CACNB2: variants seen among roughly 807,000 people sequenced by gnomAD.
CACNB2 encodes the protein voltage-dependent L-type calcium channel subunit beta-2.
In CACNB2, 42 loss-of-function variants were observed where a neutral mutation model predicts 73.3. The observed-to-expected ratio is 0.57, with a 90% CI of 0.45 to 0.74. CACNB2 has a LOEUF of 0.74. CACNB2 is among the 30% of genes least tolerant of loss of function. The pLI, the probability that CACNB2 is intolerant of heterozygous loss-of-function variation, is 0.00. For synonymous variants in CACNB2, 348 were observed against 310.3 expected, an observed-to-expected ratio of 1.12 and a Z score of -1.28; for missense variants, 940 against 853.0, an observed-to-expected ratio of 1.10 and a Z score of -1.27.
chr10:18,428,999 TTAC>T (rs1414774427), intron 3 of CACNB2, among the ~76,000 whole-genome samples: 1 of 152,232 alleles, frequency 6.6e-6, no homozygotes, highest in East Asian at 1.9e-4. Context: ...ATTCACTTAA[TTAC>T]TACTGCCTTT....
intron 2 of CACNB2, among the ~76,000 whole-genome samples, chr10:18,317,866 G>C (rs1434446710): frequency 6.6e-6 from 1 of 152,150 alleles, no homozygotes; most frequent in Non-Finnish European, 1.5e-5. Context: ...TAAAGAACAT[G>C]AGGTCTTTAT....
rs775823667 is a variant in CACNB2 at position 18,518,428 on chromosome 10, C to T, written c.885+12C>T. 3 of 1,561,330 alleles carry T rather than the reference C, an allele frequency of 1.9e-6. No homozygotes were observed. The highest frequency in any genetic ancestry group is 2.6e-6 in the Non-Finnish European group (3 of 1,132,206). Reference sequence around the variant, plus strand: ...TGAAGGGCTACGAGGTGGGTAGCAGCCTTCCACAGGAAGCTTAACTTGCAT... The same window carrying T: ...TGAAGGGCTACGAGGTGGGTAGCAGTCTTCCACAGGAAGCTTAACTTGCAT... On this transcript the variant is annotated intron_variant, in intron 8 of 13. Transcript: ENST00000324631.
intron 2 of CACNB2, chr10:18,400,556 C>T (rs888341693): frequency 9.8e-7 from 1 of 1,022,014 alleles, no homozygotes; most frequent in Non-Finnish European, 1.2e-6. Context: ...CTCCTCCCTC[C>T]GCCTCCCCCC....
At chr10:18,194,336 A>T (rs1251884372) in intron 2 of CACNB2, among the ~76,000 whole-genome samples, 1 of 152,200 alleles carries the variant, frequency 6.6e-6, no homozygotes. Flanking sequence ...GAAGGAAGCC[A>T]GGTGGGAGTG....
At chr10:18,539,198 G>T in intron 13 of CACNB2, 32 bp from the exon 14 acceptor site, 1 of 1,613,744 alleles carries the variant, frequency 6.2e-7, no homozygotes, top group Non-Finnish European at 8.5e-7. Flanking sequence ...ACTGACCTTG[G>T]TTAACGCCTG....
At position 18,539,908 on chromosome 10, in the gene CACNB2, G is replaced by A; in HGVS notation, c.*184G>A. 2 of 690,408 alleles carry A rather than the reference G, an allele frequency of 2.9e-6. No homozygotes were observed. Among genetic ancestry groups the A allele is most frequent in the Non-Finnish European group, 2.3e-6 (1 of 430,498 alleles). 42.8% of individuals were successfully genotyped at this position (690,408 alleles called of 1,614,324 possible). A position where few individuals can be genotyped will look rare whatever the true frequency, so the allele number is the denominator to read the frequency against. On this transcript the variant is annotated 3_prime_UTR_variant, in exon 14 of 14. Coordinates refer to ENST00000324631, the MANE Select transcript of CACNB2 (RefSeq NM_201596.3). ...AGAGTATTGAGATACTTTTTCTTTT[G>A]TAAGTGCTACATAAATTGGCCTGGT...
rs543516171 is a variant in CACNB2 at position 18,269,135 on chromosome 10, T to C, written c.213+118160T>C. Among the ~76,000 whole-genome samples, 18 of 152,320 alleles carry C rather than the reference T, an allele frequency of 1.2e-4. No individual in the cohort carries two copies. In the South Asian group the frequency reaches 3.7e-3, roughly 32 times the overall value. On this transcript the variant is annotated intron_variant, in intron 2 of 13. Coordinates refer to ENST00000324631, the MANE Select transcript of CACNB2 (RefSeq NM_201596.3). ...TGATTTGCACTGTGGTACACCTTCG[T>C]TGCTGGCAGATTTCCTAAATAAATA...
At chr10:18,225,040 C>G (rs7895387) in intron 2 of CACNB2, among the ~76,000 whole-genome samples, 4 of 152,134 alleles carry the variant, frequency 2.6e-5, no homozygotes, top group Non-Finnish European at 4.4e-5. Flanking sequence ...TCTGTTTGCT[C>G]AAGGCCAAGG....
intron 6 of CACNB2, chr10:18,512,971 G>T: frequency 4.4e-6 from 1 of 227,556 alleles, no homozygotes; most frequent in Non-Finnish European, 8.9e-6. Flanking sequence ...GACGCCGGCT[G>T]CAGGTGTTGC....
chr10:18,141,149 G>C, intron 1 of CACNB2: 3 of 1,345,294 alleles, frequency 2.2e-6, no homozygotes, highest in Non-Finnish European at 2.9e-6. Flanking sequence ...GGCCCTCCTC[G>C]CCCCTTCCCG....
chr10:18,380,729 A>G (rs2042982367), intron 2 of CACNB2, among the ~76,000 whole-genome samples: 1 of 152,118 alleles, frequency 6.6e-6, no homozygotes, highest in African/African-American at 2.4e-5. Context: ...TGATGGGGTT[A>G]TAAGAATGAG....
chr10:18,263,182 A>C (rs2037634471), intron 2 of CACNB2, among the ~76,000 whole-genome samples: 1 of 152,180 alleles, frequency 6.6e-6, no homozygotes, highest in Admixed American at 6.5e-5. Flanking sequence ...CAGATGGCCA[A>C]CCCAGAGTGG....
At chr10:18,319,625 A>G (rs1387068130) in intron 2 of CACNB2, among the ~76,000 whole-genome samples, 1 of 152,140 alleles carries the variant, frequency 6.6e-6, no homozygotes, top group African/African-American at 2.4e-5. Context: ...AAAATAATAT[A>G]AATAATTAAA....
chr10:18,417,513 C>A (rs535665720), intron 3 of CACNB2, among the ~76,000 whole-genome samples: 17 of 151,938 alleles, frequency 1.1e-4, no homozygotes, highest in Admixed American at 2.0e-4. Flanking sequence ...GGATTACGGG[C>A]ACACACCACC....
intron 2 of CACNB2, among the ~76,000 whole-genome samples, chr10:18,287,722 G>A (rs756587572): frequency 3.3e-5 from 5 of 152,078 alleles, no homozygotes; most frequent in East Asian, 1.9e-4. Flanking sequence ...ACGATGGCAC[G>A]CCCTGTAGTC....
intron 2 of CACNB2, among the ~76,000 whole-genome samples, chr10:18,202,991 C>G (rs1048260948): frequency 1.3e-5 from 2 of 152,182 alleles, no homozygotes; most frequent in Non-Finnish European, 2.9e-5. Flanking sequence ...ATTAAGCGAG[C>G]CATCACTGAA....
At chr10:18,534,010 A>G in intron 10 of CACNB2, 66 bp from the exon 11 acceptor site, 1 of 1,502,692 alleles carries the variant, frequency 6.7e-7, no homozygotes, top group Non-Finnish European at 9.3e-7. Context: ...TGTTGAAGAA[A>G]CAGTATACCA....
intron 2 of CACNB2, among the ~76,000 whole-genome samples, chr10:18,278,415 C>T (rs188886629): frequency 1.8e-4 from 27 of 152,008 alleles, no homozygotes; most frequent in East Asian, 1.2e-3. Flanking sequence ...AGACTTCTGG[C>T]GACGTAGGCA....
chr10:18,425,603 G>T (rs2045558257), intron 3 of CACNB2, among the ~76,000 whole-genome samples: 1 of 152,140 alleles, frequency 6.6e-6, no homozygotes, highest in Non-Finnish European at 1.5e-5. Context: ...AGGAGGTCAA[G>T]GCTGCAGTGA....
Sources: gnomAD v4.1 joint callset for allele counts (sites outside exome capture counted in the v4.1 genomes callset) on GRCh38, gnomAD v4.1.1 for gene constraint, MANE v1.5 for transcripts, NCBI Gene and HGNC (gene_info 2026-07-23, HGNC 2026-07-21) for gene names.